The following PTPRD variants were observed in gnomAD, a reference collection of about 807,000 sequenced individuals.
PTPRD encodes protein tyrosine phosphatase receptor type D.
A neutral mutation model predicts 214.5 loss-of-function variants in PTPRD; 34 were observed. The ratio of observed to expected loss-of-function variants is 0.16; its 90% CI spans 0.12 to 0.21. PTPRD has a LOEUF of 0.21. PTPRD is among the 10% of genes least tolerant of loss of function. The pLI is 1.00. For missense variants in PTPRD, 2,545 were observed against 2,398.7 expected (o/e 1.06, Z -1.27); for synonymous variants, 1,128 against 845.7 (o/e 1.33, Z -5.79).
intron 7 of PTPRD, among the ~76,000 whole-genome samples, chr9:9,722,794 G>A (rs1436952289): frequency 6.6e-6 from 1 of 151,966 alleles, no homozygotes; most frequent in Non-Finnish European, 1.5e-5. Flanking sequence ...GTTTTGATTT[G>A]CCTTTCTTTG....
chr9:8,502,835 T>A (rs1020358302), intron 23 of PTPRD, among the ~76,000 whole-genome samples: 20 of 133,270 alleles, frequency 1.5e-4, no homozygotes, highest in African/African-American at 6.0e-4. Context: ...CTATTCAATA[T>A]GTATGTGTGT....
intron 3 of PTPRD, among the ~76,000 whole-genome samples, chr9:10,308,346 T>C (rs1207755665): frequency 2.6e-5 from 4 of 152,082 alleles, no homozygotes; most frequent in South Asian, 4.1e-4. Flanking sequence ...ATATTCTCAG[T>C]ATCTTTGCTA....
chr9:8,410,434 T>A (rs2093421129), intron 35 of PTPRD, among the ~76,000 whole-genome samples: 1 of 152,174 alleles, frequency 6.6e-6, no homozygotes, highest in Non-Finnish European at 1.5e-5. Flanking sequence ...GTCAACCTAG[T>A]GTCAGGTGTG....
At chr9:10,496,828 T>C (rs1031112942) in intron 2 of PTPRD, among the ~76,000 whole-genome samples, 1 of 152,212 alleles carries the variant, frequency 6.6e-6, no homozygotes. Flanking sequence ...GTTGAACTGC[T>C]TAAGTTCCCT....
In PTPRD at chr9:8,738,408, T is replaced by C. The variant is rs75104473; in HGVS notation, c.-103-4462A>G. ...CTGTTATTTGTGTCTAAATACTGTA[T>C]TAAAATTTTCTTTAAAAAAAGACAA... is the stretch of plus-strand genomic sequence containing the variant. On this transcript the variant is annotated intron_variant, in intron 11 of 45. Transcript: ENST00000381196. 4.1e-3 allele frequency among the ~76,000 whole-genome samples: 631 copies of C among 152,282 alleles called. 3 individuals carry two copies. Among genetic ancestry groups the C allele is most frequent in the African/African-American group, 0.014 (596 of 41,562 alleles).
At chr9:9,613,135 CATAT>C (rs67735335) in intron 7 of PTPRD, among the ~76,000 whole-genome samples, 14 of 47,924 alleles carry the variant, frequency 2.9e-4, no homozygotes, top group African/African-American at 9.6e-4. Context: ...TACATACATA[CATAT>C]ATATATATAT....
At chr9:8,567,374 C>T (rs2089651370) in intron 14 of PTPRD, among the ~76,000 whole-genome samples, 1 of 152,130 alleles carries the variant, frequency 6.6e-6, no homozygotes. Flanking sequence ...CTTCCCTGAC[C>T]TCTTCTCCAA....
In PTPRD at chr9:8,526,745, G is replaced by A. The variant is rs568414301; in HGVS notation, c.551-101C>T. 5.3e-6 allele frequency: 5 copies of A among 937,158 alleles called. No individual in the cohort carries two copies. The African/African-American group carries it at 8.3e-5, about 16-fold the overall frequency. The allele number at this position is 937,158 out of a possible 1,614,324, so 58.1% of individuals were successfully genotyped here. On this transcript the variant is annotated intron_variant, in intron 16 of 45. Coordinates refer to ENST00000381196, the MANE Select transcript of PTPRD (RefSeq NM_002839.4). ...GGAGAAGAATTAAATTAGATTTACAGAATTAAATAAGGTCTTAAAAGAAAC... is the reference window on the plus strand; with the variant it reads ...GGAGAAGAATTAAATTAGATTTACAAAATTAAATAAGGTCTTAAAAGAAAC...
chr9:9,917,682 A>G (rs2081338301), intron 5 of PTPRD, among the ~76,000 whole-genome samples: 1 of 152,026 alleles, frequency 6.6e-6, no homozygotes, highest in Admixed American at 6.6e-5. Flanking sequence ...ACAGAGACAC[A>G]AAAGTCTTAA....
At chr9:9,661,686 C>A (rs980779898) in intron 7 of PTPRD, among the ~76,000 whole-genome samples, 3 of 151,714 alleles carry the variant, frequency 2.0e-5, no homozygotes, top group Non-Finnish European at 4.4e-5. Flanking sequence ...TTGCAAATAG[C>A]ACTAGGTTTG....
At chr9:9,204,846 A>T (rs188058110) in intron 9 of PTPRD, among the ~76,000 whole-genome samples, 1 of 152,252 alleles carries the variant, frequency 6.6e-6, no homozygotes. Flanking sequence ...AAATGTCTCA[A>T]ATTATTATCA....
intron 5 of PTPRD, among the ~76,000 whole-genome samples, chr9:9,889,782 C>T (rs2072526071): frequency 6.6e-6 from 1 of 150,858 alleles, no homozygotes; most frequent in South Asian, 2.1e-4. Context: ...CAGCAAGTTC[C>T]TGCTGAGTGT....
At chr9:9,111,143 A>G (rs1269461926) in intron 10 of PTPRD, among the ~76,000 whole-genome samples, 1 of 151,882 alleles carries the variant, frequency 6.6e-6, no homozygotes, top group East Asian at 1.9e-4. Flanking sequence ...GGGGAACCAG[A>G]AAGGATTTCC....
At chr9:10,135,404 G>C (rs1185614529) in intron 3 of PTPRD, among the ~76,000 whole-genome samples, 1 of 151,868 alleles carries the variant, frequency 6.6e-6, no homozygotes, top group Admixed American at 6.6e-5. Context: ...ATATAAGATG[G>C]CCAAACCCAA....
rs912778764 is a variant in PTPRD at position 8,558,045 on chromosome 9, A to G, written c.353-29266T>C. Among the ~76,000 whole-genome samples the G allele has an allele frequency of 2.0e-5, 3 of 152,166 alleles. No homozygotes were observed. In the South Asian group the frequency reaches 6.2e-4, roughly 32 times the overall value. On this transcript the variant is annotated intron_variant, in intron 14 of 45. Coordinates refer to ENST00000381196, the MANE Select transcript of PTPRD (RefSeq NM_002839.4). ...TAATTAATCTATTATTTCTGCTACA[A>G]TAAGTGAGCCTTTGATTCTTTTCCC... is the stretch of plus-strand genomic sequence containing the variant.
At chr9:10,069,825 G>A (rs2097962181) in intron 3 of PTPRD, among the ~76,000 whole-genome samples, 1 of 151,930 alleles carries the variant, frequency 6.6e-6, no homozygotes, top group African/African-American at 2.4e-5. Flanking sequence ...ACATGTTTCT[G>A]TATCTTGCTT....
chr9:10,273,890 C>G (rs193209752), intron 3 of PTPRD, among the ~76,000 whole-genome samples: 1 of 152,214 alleles, frequency 6.6e-6, no homozygotes, highest in East Asian at 1.9e-4. Context: ...ATTTATTTAA[C>G]AATACACTGT....
intron 3 of PTPRD, among the ~76,000 whole-genome samples, chr9:10,155,121 T>C (rs1592617643): frequency 6.6e-6 from 1 of 152,110 alleles, no homozygotes; most frequent in Non-Finnish European, 1.5e-5. Context: ...CCTGATTTCT[T>C]TGAGCAGTGT....
At chr9:10,455,922 C>CA (rs1266162297) in intron 2 of PTPRD, among the ~76,000 whole-genome samples, 3 of 151,700 alleles carry the variant, frequency 2.0e-5, no homozygotes, top group Non-Finnish European at 3.0e-5. Flanking sequence ...AATGTAGTTA[C>CA]AAAAAATATT....
Sources: gnomAD v4.1 joint callset for allele counts (sites outside exome capture counted in the v4.1 genomes callset) on GRCh38, gnomAD v4.1.1 for gene constraint, MANE v1.5 for transcripts, NCBI Gene and HGNC (gene_info 2026-07-23, HGNC 2026-07-21) for gene names.